FRRS1: variants seen among roughly 807,000 people sequenced by gnomAD.
FRRS1 encodes ferric reductase 1.
In FRRS1, 51 loss-of-function variants were observed where a neutral mutation model predicts 70.7. The ratio of observed to expected loss-of-function variants is 0.72; its 90% CI spans 0.58 to 0.91. The LOEUF (loss-of-function observed/expected upper bound fraction) is 0.91. Ranked by LOEUF, FRRS1 falls within the 40% of genes least tolerant of loss-of-function variation. The pLI, the probability that FRRS1 is intolerant of heterozygous loss-of-function variation, is 0.00. For synonymous variants in FRRS1, 225 were observed against 238.7 expected, an observed-to-expected ratio of 0.94 and a Z score of 0.53; for missense variants, 672 against 726.0, an observed-to-expected ratio of 0.93 and a Z score of 0.86.
chr1:99,761,663 C>A (rs1293673552), intron 1 of FRRS1, among the ~76,000 whole-genome samples: 1 of 152,018 alleles, frequency 6.6e-6, no homozygotes, highest in East Asian at 1.9e-4. Flanking sequence ...TTATTAAGTG[C>A]CTGCTCTATT....
chr1:99,710,829 T>G lies in FRRS1; in HGVS notation c.1601A>C (p.His534Pro), dbSNP rs377320902. Residue 534 changes from histidine (H) to proline (P), a missense_variant, in exon 15 of 17, where the codon CAT (histidine) becomes CCT (proline). Transcript: ENST00000646001. ...ACCTTTGCGAGAGAGCCGATAAGCA[T>G]GTACCTCCAGAACAACCTCAGTCCC... is the stretch of plus-strand genomic sequence containing the variant. ...HVGTEVVLEV[H>P]AYRLSRKVEI... The G allele has an allele frequency of 6.2e-7, 1 of 1,614,008 alleles. No individual in the cohort carries two copies. The highest frequency in any genetic ancestry group is 8.5e-7 in the Non-Finnish European group (1 of 1,179,942).
At chr1:99,714,478 G>A (rs111343108) in intron 12 of FRRS1, among the ~76,000 whole-genome samples, 5,493 of 152,022 alleles carry the variant, frequency 0.036, 313 homozygotes, top group African/African-American at 0.13. Context: ...CACCATGCCC[G>A]GCCTGGTTTA....
In FRRS1 at chr1:99,726,023, C is replaced by G. The variant is rs144705248; in HGVS notation, c.1006+2470G>C. Among the ~76,000 whole-genome samples the G allele has an allele frequency of 1.1e-4, 16 of 152,292 alleles. No individual in the cohort carries two copies. In the East Asian group the frequency reaches 2.9e-3, roughly 28 times the overall value. ...GATATAGTTTGGGTCTGTGCTCCCACCCAAATCTCACTTTGAATTGTAATC... is the reference window on the plus strand; with the variant it reads ...GATATAGTTTGGGTCTGTGCTCCCAGCCAAATCTCACTTTGAATTGTAATC... On this transcript the variant is annotated intron_variant, in intron 9 of 16. Coordinates refer to ENST00000646001, the MANE Select transcript of FRRS1 (RefSeq NM_001361041.2).
At chr1:99,735,354 C>T (rs1461536951) in intron 7 of FRRS1, among the ~76,000 whole-genome samples, 2 of 152,066 alleles carry the variant, frequency 1.3e-5, no homozygotes, top group Non-Finnish European at 2.9e-5. Flanking sequence ...GTGATGAGGT[C>T]TAACATACCA....
At chr1:99,734,932 A>G (rs1301631083) in intron 7 of FRRS1, among the ~76,000 whole-genome samples, 1 of 152,178 alleles carries the variant, frequency 6.6e-6, no homozygotes, top group Non-Finnish European at 1.5e-5. Flanking sequence ...GGGCATGGAG[A>G]GATCATGTAT....
chr1:99,758,555 G>A lies in FRRS1; in HGVS notation c.-106+8052C>T, dbSNP rs929320293. On this transcript the variant is annotated intron_variant, in intron 1 of 16. Coordinates refer to ENST00000646001, the MANE Select transcript of FRRS1 (RefSeq NM_001361041.2). ...TTAGCTTCATAAGCTGAGGATGTACGTCATCTCAGGACCACTGTGATAACT... is the reference window on the plus strand; with the variant it reads ...TTAGCTTCATAAGCTGAGGATGTACATCATCTCAGGACCACTGTGATAACT... 2.4e-4 allele frequency among the ~76,000 whole-genome samples: 36 copies of A among 152,102 alleles called. 2 individuals are homozygous for A. The highest frequency in any genetic ancestry group is 1.8e-3 in the Admixed American group (28 of 15,282).
chr1:99,728,403 G>A (rs1655172084), intron 9 of FRRS1, 90 bp downstream of exon 9: 3 of 1,080,946 alleles, frequency 2.8e-6, no homozygotes, highest in Non-Finnish European at 2.7e-6. Context: ...TTAAAAACGG[G>A]CAATTACAGT....
chr1:99,761,450 T>C (rs920635971), intron 1 of FRRS1, among the ~76,000 whole-genome samples: 1 of 152,174 alleles, frequency 6.6e-6, no homozygotes, highest in African/African-American at 2.4e-5. Flanking sequence ...TCTTTATTCA[T>C]TTTCTGGAAA....
intron 7 of FRRS1, among the ~76,000 whole-genome samples, chr1:99,734,964 G>A (rs1410081130): frequency 1.3e-5 from 2 of 152,176 alleles, no homozygotes; most frequent in Admixed American, 1.3e-4. Flanking sequence ...ATACAGCGCA[G>A]TGGAAGGAGA....
chr1:99,705,709 G>A lies in FRRS1; in HGVS notation c.*3319C>T, dbSNP rs925621248. On this transcript the variant is annotated 3_prime_UTR_variant, in exon 17 of 17. Coordinates refer to ENST00000646001, the MANE Select transcript of FRRS1 (RefSeq NM_001361041.2). Reference sequence around the variant, plus strand: ...CATTTACTTGATAACCCATACTATAGACTACCTTTGCCCTTAAGATTGATT... The same window carrying A: ...CATTTACTTGATAACCCATACTATAAACTACCTTTGCCCTTAAGATTGATT... Among the ~76,000 whole-genome samples, 1 of 152,150 alleles carries A rather than the reference G, an allele frequency of 6.6e-6. No homozygotes were observed. Among genetic ancestry groups the A allele is most frequent in the African/African-American group, 2.4e-5 (1 of 41,426 alleles).
At chr1:99,722,748 C>T (rs760713675) in intron 9 of FRRS1, among the ~76,000 whole-genome samples, 1 of 152,184 alleles carries the variant, frequency 6.6e-6, no homozygotes. Flanking sequence ...ACATTTAACA[C>T]TGAATATCAG....
At chr1:99,726,978 G>A (rs961376972) in intron 9 of FRRS1, among the ~76,000 whole-genome samples, 1 of 152,174 alleles carries the variant, frequency 6.6e-6, no homozygotes, top group African/African-American at 2.4e-5. Context: ...ATCTTTCAAA[G>A]TGCTGGGATT....
intron 4 of FRRS1, among the ~76,000 whole-genome samples, chr1:99,745,487 C>A (rs1016017991): frequency 5.3e-5 from 8 of 152,062 alleles, no homozygotes; most frequent in Non-Finnish European, 1.2e-4. Flanking sequence ...AGTTCGAGAC[C>A]AGCCTGGCCA....
chr1:99,717,136 T>C (rs1184124181), intron 11 of FRRS1, among the ~76,000 whole-genome samples: 1 of 152,178 alleles, frequency 6.6e-6, no homozygotes, highest in African/African-American at 2.4e-5. Flanking sequence ...TAAAGGTCAT[T>C]TGGGTCCCAA....
intron 9 of FRRS1, among the ~76,000 whole-genome samples, chr1:99,726,687 A>AGGTC (rs1302914584): frequency 1.3e-5 from 2 of 152,194 alleles, no homozygotes; most frequent in Non-Finnish European, 2.9e-5. Flanking sequence ...CCTCATTAAA[A>AGGTC]ATTAATTCCC....
At chr1:99,756,555 T>C (rs1434702758) in intron 1 of FRRS1, among the ~76,000 whole-genome samples, 1 of 152,194 alleles carries the variant, frequency 6.6e-6, no homozygotes, top group African/African-American at 2.4e-5. Flanking sequence ...ATAAAGAGAA[T>C]ATATTTATTA....
chr1:99,721,522 TG>T (rs1487565608), intron 9 of FRRS1, among the ~76,000 whole-genome samples: 1 of 151,880 alleles, frequency 6.6e-6, no homozygotes, highest in Non-Finnish European at 1.5e-5. Flanking sequence ...TAGGTGAATT[TG>T]GGGGGAGAAA....
chr1:99,717,577 C>A, intron 10 of FRRS1, 52 bp from the exon 11 acceptor site: 1 of 1,256,512 alleles, frequency 8.0e-7, no homozygotes, highest in Non-Finnish European at 1.2e-6. Context: ...ATCAAGCCAT[C>A]GCTTAAATGA....
At chr1:99,736,108 C>G (rs925810781) in intron 7 of FRRS1, among the ~76,000 whole-genome samples, 16 of 152,178 alleles carry the variant, frequency 1.1e-4, no homozygotes, top group African/African-American at 3.4e-4. Context: ...AGCACTACCA[C>G]CACCTATCAT....
Sources: allele counts gnomAD v4.1 joint callset (sites outside exome capture counted in the v4.1 genomes callset), GRCh38; gene constraint gnomAD v4.1.1; transcripts MANE v1.5; gene names NCBI Gene and HGNC (gene_info 2026-07-23, HGNC 2026-07-21).